C1GALT1: variants seen among roughly 807,000 people sequenced by gnomAD.
The protein encoded by C1GALT1 is core 1 synthase, glycoprotein-N-acetylgalactosamine 3-beta-galactosyltransferase 1, also known as glycoprotein-N-acetylgalactosamine 3-beta-galactosyltransferase 1.
In C1GALT1, 11 loss-of-function variants were observed where a neutral mutation model predicts 31.0. That is an observed-to-expected ratio of 0.36 (90% CI 0.22 to 0.59). C1GALT1 has a LOEUF of 0.59. Among genes scored for constraint, C1GALT1 ranks in the 20% least tolerant of loss-of-function variants. C1GALT1 has a pLI of 0.79. For missense variants in C1GALT1, 424 were observed against 425.2 expected, an observed-to-expected ratio of 1.00 and a Z score of 0.03; for synonymous variants, 175 against 143.6, an observed-to-expected ratio of 1.22 and a Z score of -1.56.
At chr7:7,170,793 AC>A (rs1222083476) in intron 2 of C1GALT1, among the ~76,000 whole-genome samples, 2 of 152,148 alleles carry the variant, frequency 1.3e-5, no homozygotes, top group African/African-American at 2.4e-5. Flanking sequence ...AAACAAACAA[AC>A]AAAAACATCT....
chr7:7,217,739 T>TC (rs1158111842), intron 1 of C1GALT1, among the ~76,000 whole-genome samples: 16 of 152,274 alleles, frequency 1.1e-4, no homozygotes, highest in Non-Finnish European at 1.8e-4. Flanking sequence ...AGTGGTACAA[T>TC]CATAGTTCAT....
intron 1 of C1GALT1, among the ~76,000 whole-genome samples, chr7:7,218,325 G>A (rs1249165866): frequency 1.3e-5 from 2 of 152,198 alleles, no homozygotes; most frequent in South Asian, 2.1e-4. Flanking sequence ...GCTAGACCCT[G>A]TGTACCAAGT....
intron 3 of C1GALT1, among the ~76,000 whole-genome samples, chr7:7,241,877 C>T (rs1372665545): frequency 2.6e-5 from 4 of 151,742 alleles, no homozygotes; most frequent in Non-Finnish European, 5.9e-5. Flanking sequence ...AGAATCCTGG[C>T]CATCCAGTAA....
chr7:7,233,668 G>T (rs772201576), intron 1 of C1GALT1, among the ~76,000 whole-genome samples: 1 of 152,154 alleles, frequency 6.6e-6, no homozygotes, highest in African/African-American at 2.4e-5. Context: ...AAAAGTAGCC[G>T]CAGTCAGTAT....
In C1GALT1 at chr7:7,182,640, C is replaced by T. The variant is rs979089648; in HGVS notation, c.-198C>T. 2 of 249,448 alleles carry T rather than the reference C, an allele frequency of 8.0e-6. No homozygotes were observed. Among genetic ancestry groups the T allele is most frequent in the East Asian group, 1.8e-4 (1 of 5,570 alleles). 15.5% of individuals were successfully genotyped at this position (249,448 alleles called of 1,614,324 possible). A position where few individuals can be genotyped will look rare whatever the true frequency, so the allele number is the denominator to read the frequency against. ...AGCGGGCGGGAGCGCGCGCTGGGCC[C>T]GCCTTGGCCGCCGCCGCTGTGCTGC... On this transcript the variant is annotated 5_prime_UTR_variant, in exon 1 of 4. Transcript: ENST00000436587.
At chr7:7,219,550 T>C (rs2128241848) in intron 1 of C1GALT1, among the ~76,000 whole-genome samples, 1 of 152,310 alleles carries the variant, frequency 6.6e-6, no homozygotes, top group Admixed American at 6.5e-5. Context: ...TAATTTCTAA[T>C]AAAAATCTAA....
chr7:7,223,829 T>G (rs2128243745), intron 1 of C1GALT1, among the ~76,000 whole-genome samples: 1 of 152,292 alleles, frequency 6.6e-6, no homozygotes, highest in East Asian at 1.9e-4. Context: ...AGAGTGGACA[T>G]CCTTTCCTTG....
intron 2 of C1GALT1, among the ~76,000 whole-genome samples, chr7:7,171,722 C>T (rs1051031935): frequency 4.0e-5 from 6 of 151,756 alleles, no homozygotes; most frequent in East Asian, 3.9e-4. Context: ...CATTTTGATT[C>T]GCTTCTCATT....
In C1GALT1 at chr7:7,204,361, G is replaced by A. The variant is rs554898014; in HGVS notation, c.-18+21541G>A. 1.5e-3 allele frequency among the ~76,000 whole-genome samples: 235 copies of A among 151,970 alleles called. 2 individuals are homozygous for A. Among genetic ancestry groups the A allele is most frequent in the Middle Eastern group, 0.01 (3 of 294 alleles). On this transcript the variant is annotated intron_variant, in intron 1 of 3. Coordinates refer to ENST00000436587, the MANE Select transcript of C1GALT1 (RefSeq NM_020156.5). ...GTTATGCAGTTGTTGACATTCGGTT[G>A]TTTATAGTATCCTCTTATCATCCTT...
intron 1 of C1GALT1, among the ~76,000 whole-genome samples, chr7:7,199,286 T>G (rs1324853103): frequency 6.6e-6 from 1 of 152,242 alleles, no homozygotes; most frequent in African/African-American, 2.4e-5. Flanking sequence ...TGCCTTCATT[T>G]TGTTATGTAC....
intron 1 of C1GALT1, among the ~76,000 whole-genome samples, chr7:7,209,195 T>G (rs1178067437): frequency 6.6e-6 from 1 of 152,270 alleles, no homozygotes; most frequent in African/African-American, 2.4e-5. Flanking sequence ...TCTTTGTTAC[T>G]TATAGCTTTT....
intron 2 of C1GALT1, among the ~76,000 whole-genome samples, chr7:7,176,596 C>CA (rs1286504904): frequency 1.3e-5 from 2 of 152,186 alleles, no homozygotes; most frequent in Admixed American, 6.5e-5. Flanking sequence ...GCACACGTGA[C>CA]AGTCTCTGCT....
intron 1 of C1GALT1, among the ~76,000 whole-genome samples, chr7:7,195,944 C>T (rs1562565883): frequency 6.6e-6 from 1 of 152,072 alleles, no homozygotes; most frequent in African/African-American, 2.4e-5. Context: ...TCTTTTTTAA[C>T]TTGTTGCTTT....
chr7:7,210,182 A>T (rs1345817944), intron 1 of C1GALT1, among the ~76,000 whole-genome samples: 1 of 151,646 alleles, frequency 6.6e-6, no homozygotes, highest in Non-Finnish European at 1.5e-5. Flanking sequence ...AATATTTGTG[A>T]CTCTTGGAAC....
intron 1 of C1GALT1, among the ~76,000 whole-genome samples, chr7:7,212,564 G>T (rs1247928689): frequency 2.0e-5 from 3 of 152,178 alleles, no homozygotes; most frequent in Admixed American, 6.5e-5. Flanking sequence ...ACCTGAGCAG[G>T]CTTAGTGTGA....
intron 1 of C1GALT1, among the ~76,000 whole-genome samples, chr7:7,227,436 G>A (rs1232848586): frequency 6.6e-6 from 1 of 152,110 alleles, no homozygotes; most frequent in Non-Finnish European, 1.5e-5. Flanking sequence ...TAAAGAAAGG[G>A]AAGGCCGGGC....
rs1248651012 is a variant in C1GALT1, at chr7:7,164,707, A to AT, written c.-18+7286dup. 2.6e-5 allele frequency among the ~76,000 whole-genome samples: 4 copies of AT among 152,082 alleles called. No homozygotes were observed. The East Asian group carries it at 5.8e-4, about 22-fold the overall frequency. ...TCACAGGTCAGGGAAGGAAAGCTCT[A>AT]TTTTTAATACCCCTATGTTGATCAG... On this transcript the variant is annotated intron_variant, in intron 2 of 3. Coordinates refer to the C1GALT1 transcript ENST00000429911.
rs770571731 is a variant in C1GALT1 at position 7,238,904 on chromosome 7, C to T, written c.870C>T (p.Asn290=). ...GAACGTTTTGGTACTGGAATTACAA[C>T]TATTATCCTCCTGTAGAGGTAAGTT... ...LPRTFWYWNY[N]YYPPVEGPGC... Residue 290 remains asparagine, a synonymous_variant, in exon 3 of 4, where the codon AAC becomes AAT. Coordinates refer to ENST00000436587, the MANE Select transcript of C1GALT1 (RefSeq NM_020156.5). This position sits in a 1 kb window ranked among gnomAD's most constrained non-coding sequence, Gnocchi z 5.2. 31 of 1,611,524 alleles carry T rather than the reference C, an allele frequency of 1.9e-5. No individual in the cohort carries two copies. Among genetic ancestry groups the T allele is most frequent in the Non-Finnish European group, 2.5e-5 (29 of 1,178,838 alleles).
At chr7:7,175,941 C>T (rs1011796755) in intron 2 of C1GALT1, among the ~76,000 whole-genome samples, 2 of 152,048 alleles carry the variant, frequency 1.3e-5, no homozygotes, top group Admixed American at 6.6e-5. Context: ...CCTCATTTTA[C>T]CTTTATTACC....
Sources: gnomAD v4.1 joint callset for allele counts (sites outside exome capture counted in the v4.1 genomes callset) on GRCh38, gnomAD v4.1.1 for gene constraint, Gnocchi (gnomAD v3.1) non-coding constraint, MANE v1.5 for transcripts, NCBI Gene and HGNC (gene_info 2026-07-23, HGNC 2026-07-21) for gene names.